Variants in RERE observed in about 807,000 individuals in gnomAD.
RERE encodes arginine-glutamic acid dipeptide repeats protein.
RERE carries 40 observed loss-of-function variants against 146.1 expected under a neutral mutation model. That is an observed-to-expected ratio of 0.27 (90% CI 0.21 to 0.36). RERE has a LOEUF of 0.36. Ranked by LOEUF, RERE falls within the 10% of genes least tolerant of loss-of-function variation. The probability of loss-of-function intolerance (pLI) is 1.00; values close to 1 mark genes in which losing one functional copy is unlikely to be tolerated. For missense variants in RERE, 1,933 were observed against 2,138.7 expected, an observed-to-expected ratio of 0.90 and a Z score of 1.90; for synonymous variants, 1,003 against 866.0, an observed-to-expected ratio of 1.16 and a Z score of -2.78.
At chr1:8,700,777 T>G (rs1421229171) in intron 1 of RERE, among the ~76,000 whole-genome samples, 1 of 152,188 alleles carries the variant, frequency 6.6e-6, no homozygotes, top group Non-Finnish European at 1.5e-5. Flanking sequence ...ACACAAAATA[T>G]TGGCTTCCTA....
chr1:8,683,364 ACT>A (rs1358099663), intron 1 of RERE, among the ~76,000 whole-genome samples: 1 of 152,078 alleles, frequency 6.6e-6, no homozygotes, highest in African/African-American at 2.4e-5. Context: ...AAAGGGCACC[ACT>A]TAGTAGAATC....
At chr1:8,608,243 T>C (rs968303295) in intron 4 of RERE, among the ~76,000 whole-genome samples, 2 of 152,334 alleles carry the variant, frequency 1.3e-5, no homozygotes, top group African/African-American at 4.8e-5. Context: ...CCAAGTGGCT[T>C]TGTAATCTTA....
chr1:8,498,767 A>ACACACACACACG (rs1645086349), intron 8 of RERE, among the ~76,000 whole-genome samples: 4 of 150,694 alleles, frequency 2.7e-5, no homozygotes, highest in Admixed American at 2.0e-4. Flanking sequence ...ACACACACAC[A>ACACACACACACG]CATATGTAGT....
intron 7 of RERE, chr1:8,525,816 A>G (rs1232160097): frequency 3.2e-6 from 5 of 1,570,694 alleles, no homozygotes; most frequent in Non-Finnish European, 4.3e-6. Flanking sequence ...GTCTAGCTGG[A>G]TTCCTGAACC....
intron 12 of RERE, among the ~76,000 whole-genome samples, chr1:8,369,909 C>A (rs1394334723): frequency 3.9e-5 from 6 of 152,118 alleles, no homozygotes; most frequent in Non-Finnish European, 7.4e-5. Flanking sequence ...CCTGCCTCGG[C>A]CTCCCGAGTA....
intron 19 of RERE, 149 bp from the exon 20 acceptor site, chr1:8,359,065 T>G: frequency 9.8e-7 from 1 of 1,024,472 alleles, no homozygotes; most frequent in Non-Finnish European, 1.3e-6. Context: ...TGCCTTGGCC[T>G]GACACCAGGA....
chr1:8,449,158 T>A (rs1351770081), intron 11 of RERE, among the ~76,000 whole-genome samples: 2 of 152,108 alleles, frequency 1.3e-5, no homozygotes, highest in East Asian at 3.9e-4. Context: ...GGCAGAAACA[T>A]TTTGTGGCCT....
At chr1:8,655,051 C>T (rs1239310850) in intron 2 of RERE, among the ~76,000 whole-genome samples, 2 of 151,864 alleles carry the variant, frequency 1.3e-5, no homozygotes, top group African/African-American at 2.4e-5. Flanking sequence ...TTTTTTTGAG[C>T]AATGCTATAA....
chr1:8,396,380 G>A (rs569522824), intron 12 of RERE, among the ~76,000 whole-genome samples: 7 of 152,228 alleles, frequency 4.6e-5, no homozygotes, highest in Non-Finnish European at 7.4e-5. Flanking sequence ...TGCCCTCCTG[G>A]AACCAGTCCC....
intron 11 of RERE, among the ~76,000 whole-genome samples, chr1:8,461,480 G>C (rs148856872): frequency 5.3e-5 from 8 of 152,260 alleles, no homozygotes; most frequent in African/African-American, 1.7e-4. Context: ...TAGCCTGAAA[G>C]ACATGACCCA....
At chr1:8,650,944 T>A (rs961112739) in intron 2 of RERE, among the ~76,000 whole-genome samples, 8 of 142,710 alleles carry the variant, frequency 5.6e-5, no homozygotes, top group Non-Finnish European at 1.2e-4. Flanking sequence ...TAAATAAAAA[T>A]AAATTAGCTG....
chr1:8,774,347 A>ATTTTTTTTTTTTT (rs34859762), intron 1 of RERE, among the ~76,000 whole-genome samples: 5 of 93,178 alleles, frequency 5.4e-5, no homozygotes, highest in Admixed American at 1.4e-4. Flanking sequence ...TTGGCAAACT[A>ATTTTTTTTTTTTT]TTTTTTTTTT....
intron 1 of RERE, among the ~76,000 whole-genome samples, chr1:8,710,805 G>A (rs1294534101): frequency 2.6e-5 from 4 of 152,122 alleles, no homozygotes; most frequent in South Asian, 4.2e-4. Context: ...GTGAGCCACC[G>A]TGCCTGGCCA....
chr1:8,379,114 TA>T (rs1456436975), intron 12 of RERE, among the ~76,000 whole-genome samples: 2 of 152,060 alleles, frequency 1.3e-5, no homozygotes, highest in Non-Finnish European at 2.9e-5. Context: ...GCTGTGGATC[TA>T]AAGACAGCTG....
chr1:8,495,202 A>G, intron 9 of RERE, 40 bp from the exon 10 acceptor site: 2 of 1,440,052 alleles, frequency 1.4e-6, no homozygotes, highest in Non-Finnish European at 2.0e-6. Flanking sequence ...GTACATAGTA[A>G]TATCAGGACA....
intron 12 of RERE, among the ~76,000 whole-genome samples, chr1:8,402,580 C>A (rs1643299498): frequency 6.6e-6 from 1 of 152,210 alleles, no homozygotes; most frequent in Admixed American, 6.5e-5. Context: ...CCCGGGATAA[C>A]TCCTACTTGC....
Position 8,582,401 on chromosome 1 carries a change from TA to T in RERE, c.523-24879del, listed in dbSNP as rs572615455. ...TTTTTTTTTTTTCTCTCTCTTTCTT[TA>T]AAAACTTTTTTTCTTTTTTTTTTTT... On this transcript the variant is annotated intron_variant, in intron 4 of 22. Transcript: ENST00000400908. Among the ~76,000 whole-genome samples, 664 of 151,540 alleles carry T rather than the reference TA, an allele frequency of 4.4e-3. 3 individuals are homozygous for T. The highest frequency in any genetic ancestry group is 0.015 in the African/African-American group (639 of 41,288).
chr1:8,585,791 A>G lies in RERE; in HGVS notation c.523-28268T>C, dbSNP rs764154833. ...CAAACCTTTATTCTGTCTTTCCTAT[A>G]TAAATTGTGCAACTGGGTAACAAGA... On this transcript the variant is annotated intron_variant, in intron 4 of 22. Coordinates refer to ENST00000400908, the MANE Select transcript of RERE (RefSeq NM_001042681.2). 6.6e-4 allele frequency among the ~76,000 whole-genome samples: 101 copies of G among 152,346 alleles called. 1 individual carries two copies. The highest frequency in any genetic ancestry group is 2.3e-3 in the South Asian group (11 of 4,830).
At chr1:8,810,803 T>G (rs1641791423) in intron 1 of RERE, among the ~76,000 whole-genome samples, 1 of 152,156 alleles carries the variant, frequency 6.6e-6, no homozygotes, top group African/African-American at 2.4e-5. Flanking sequence ...AAAGAGCTCA[T>G]GTGCATTATA....
Sources: gnomAD v4.1 joint callset for allele counts (sites outside exome capture counted in the v4.1 genomes callset) on GRCh38, gnomAD v4.1.1 for gene constraint, MANE v1.5 for transcripts, NCBI Gene and HGNC (gene_info 2026-07-23, HGNC 2026-07-21) for gene names.